BROX: variants seen among roughly 807,000 people sequenced by gnomAD.
The protein encoded by BROX is BRO1 domain and CAAX motif containing.
A neutral mutation model predicts 61.0 loss-of-function variants in BROX; 53 were observed. The ratio of observed to expected loss-of-function variants is 0.87; its 90% confidence interval spans 0.70 to 1.09. The LOEUF (loss-of-function observed/expected upper bound fraction) is 1.09. Among genes scored for constraint, BROX ranks in the 50% least tolerant of loss-of-function variants. The pLI, the probability that BROX is intolerant of heterozygous loss-of-function variation, is 0.00. For synonymous variants in BROX, 152 were observed against 160.2 expected, an observed-to-expected ratio of 0.95 and a Z score of 0.38; for missense variants, 489 against 472.0, an observed-to-expected ratio of 1.04 and a Z score of -0.33.
intron 7 of BROX, 67 bp downstream of exon 7, chr1:222,725,622 A>ATCAGAAGTTGGGCACTGT (rs1304607481): frequency 1.5e-6 from 2 of 1,342,594 alleles, no homozygotes; most frequent in Non-Finnish European, 2.0e-6. Context: ...CTCTTTAAAA[A>ATCAGAAGTTGGGCACTGT]TCAGAAGTTG....
At chr1:222,729,996 T>A in intron 10 of BROX, 31 bp from the exon 11 acceptor site, 1 of 1,579,320 alleles carries the variant, frequency 6.3e-7, no homozygotes, top group Non-Finnish European at 8.6e-7. Flanking sequence ...TTAATTATAA[T>A]CAAAAGACTT....
rs990001574 is a variant in BROX, at chr1:222,712,760, C to T, written c.-199C>T. 25 of 1,289,814 alleles carry T rather than the reference C, an allele frequency of 1.9e-5. 1 individual carries two copies. The East Asian group carries it at 1.4e-3, about 71-fold the overall frequency. The allele number at this position is 1,289,814 out of a possible 1,614,324, so 79.9% of individuals were successfully genotyped here. ...AATACCCGCCCCTGAGCTGCGCGCA[C>T]TACCGCCTCGGTAGCTATCATGGCC... On this transcript the variant is annotated 5_prime_UTR_variant, in exon 1 of 13. Coordinates refer to ENST00000340934, the MANE Select transcript of BROX (RefSeq NM_144695.4).
chr1:222,720,611 A>G (rs1657011126), intron 4 of BROX, among the ~76,000 whole-genome samples: 1 of 152,110 alleles, frequency 6.6e-6, no homozygotes, highest in African/African-American at 2.4e-5. Context: ...CAGGAGTTTG[A>G]GACCAGCCTG....
chr1:222,730,831 A>G (rs1657879714), intron 11 of BROX, among the ~76,000 whole-genome samples: 1 of 151,188 alleles, frequency 6.6e-6, no homozygotes, highest in South Asian at 2.1e-4. Context: ...CATCTTCTCA[A>G]CCTCCTTTGC....
At chr1:222,716,168 G>T (rs143409551) in intron 2 of BROX, among the ~76,000 whole-genome samples, 23,830 of 151,828 alleles carry the variant, frequency 0.16, 2,493 homozygotes, top group African/African-American at 0.29. Context: ...GCTTGATCTC[G>T]GCTTACTGCA....
At position 222,732,799 on chromosome 1, in the gene BROX, T is replaced by C. The variant is rs968659907; in HGVS notation, c.*85T>C. 8.1e-6 allele frequency: 9 copies of C among 1,107,034 alleles called. No homozygotes were observed. The highest frequency in any genetic ancestry group is 1.1e-5 in the Non-Finnish European group (8 of 754,510). The allele number at this position is 1,107,034 out of a possible 1,614,324, so 68.6% of individuals were successfully genotyped here. The stretch of plus-strand genomic sequence containing the variant: ...TTCTTATTTCTCAAAATGATTTCTC[T>C]GAAGCTTGTAGAATAACTATTATAT... On this transcript the variant is annotated 3_prime_UTR_variant, in exon 13 of 13. Coordinates refer to ENST00000340934, the MANE Select transcript of BROX (RefSeq NM_144695.4).
chr1:222,713,309 C>T (rs1255969354), intron 1 of BROX: 2 of 985,710 alleles, frequency 2.0e-6, no homozygotes, highest in Non-Finnish European at 2.4e-6. Context: ...CAAGTGTTGG[C>T]GCGTGCGCAC....
At chr1:222,722,867 G>A (rs74367745) in intron 5 of BROX, among the ~76,000 whole-genome samples, 12 of 152,132 alleles carry the variant, frequency 7.9e-5, no homozygotes, top group Non-Finnish European at 1.3e-4. Context: ...TTTTTATAAC[G>A]TATACTCTTA....
chr1:222,713,355 G>A, intron 1 of BROX: 11 of 985,698 alleles, frequency 1.1e-5, no homozygotes, highest in South Asian at 4.7e-5. Flanking sequence ...GACTGGGCAC[G>A]GGAGGAAGAG....
chr1:222,714,128 C>A (rs1310028238), intron 1 of BROX: 1 of 152,032 alleles, frequency 6.6e-6, no homozygotes, highest in Non-Finnish European at 1.5e-5. Context: ...AATCTAATTG[C>A]CATGTTTAGG....
chr1:222,724,241 G>T, intron 6 of BROX, 77 bp downstream of exon 6: 1 of 1,192,166 alleles, frequency 8.4e-7, no homozygotes, highest in East Asian at 2.5e-5. Flanking sequence ...GGGAGGATAT[G>T]GGGAAAGAAT....
intron 5 of BROX, among the ~76,000 whole-genome samples, chr1:222,723,054 A>G (rs1029734680): frequency 1.3e-5 from 2 of 152,224 alleles, no homozygotes; most frequent in African/African-American, 4.8e-5. Context: ...GCAATAGGAA[A>G]CTGTCAATTT....
chr1:222,722,277 A>G (rs535326732), intron 4 of BROX, 142 bp from the exon 5 acceptor site: 3 of 692,568 alleles, frequency 4.3e-6, no homozygotes, highest in African/African-American at 3.6e-5. Flanking sequence ...TTATCTCCCC[A>G]TCTATATTAA....
intron 11 of BROX, among the ~76,000 whole-genome samples, chr1:222,730,412 A>G (rs914453826): frequency 5.9e-5 from 9 of 152,112 alleles, no homozygotes; most frequent in African/African-American, 1.7e-4. Flanking sequence ...CCTGGGCAAC[A>G]TGGCAAAAAC....
rs1658130027 is a variant in BROX at position 222,733,975 on chromosome 1, T to G, written c.*1261T>G. 1 of 152,232 alleles carries G rather than the reference T, an allele frequency of 6.6e-6. No individual in the cohort carries two copies. Among genetic ancestry groups the G allele is most frequent in the Non-Finnish European group, 1.5e-5 (1 of 68,026 alleles). 9.4% of individuals were successfully genotyped at this position (152,232 alleles called of 1,614,324 possible). A position where few individuals can be genotyped will look rare whatever the true frequency, so the allele number is the denominator to read the frequency against. ...GTTACCTGATTTCAGTGTACATTGT[T>G]TTTATGTGGTTTTCTGATAATGTCC... On this transcript the variant is annotated 3_prime_UTR_variant, in exon 13 of 13. Coordinates refer to ENST00000340934, the MANE Select transcript of BROX (RefSeq NM_144695.4).
Position 222,730,108 on chromosome 1 carries a change from T to G in BROX, c.920T>G (p.Leu307Arg). ...CCAACAGTCAAACCTTCAGGACATC[T>G]GTTCTTTAGGAAACTTGGAAACCTT... ...PGPTVKPSGH[L>R]FFRKLGNLVK... is the part of the protein sequence containing the mutation. Residue 307 changes from leucine (L) to arginine (R), a missense_variant, in exon 11 of 13, where the codon CTG (leucine) becomes CGG (arginine). Transcript: ENST00000340934. 6.2e-7 allele frequency: 1 copy of G among 1,613,336 alleles called. No homozygotes were observed.
intron 9 of BROX, 127 bp downstream of exon 9, chr1:222,728,955 A>G: frequency 1.7e-6 from 1 of 591,578 alleles, no homozygotes; most frequent in Non-Finnish European, 2.8e-6. Context: ...ACTCTCAGTA[A>G]ATGTTCACTG....
Position 222,724,083 on chromosome 1 carries a change from A to G in BROX, c.402-9A>G, listed in dbSNP as rs1328277044. On this transcript the variant is annotated splice_polypyrimidine_tract_variant and intron_variant, in intron 5 of 12. Transcript: ENST00000340934. ...TCATCCTCTAACTAATGTAACCCCT[A>G]TCTTTAAGTATAACAGAAGATGAAG... 5.6e-6 allele frequency: 9 copies of G among 1,595,640 alleles called. No individual in the cohort carries two copies. The highest frequency in any genetic ancestry group is 5.2e-5 in the Admixed American group (3 of 57,344).
chr1:222,730,947 C>G (rs971086522), intron 11 of BROX, among the ~76,000 whole-genome samples: 2 of 152,146 alleles, frequency 1.3e-5, no homozygotes, highest in Non-Finnish European at 2.9e-5. Flanking sequence ...TAAATCACTG[C>G]TGTTCAAATT....
Sources: allele counts gnomAD v4.1 joint callset (sites outside exome capture counted in the v4.1 genomes callset), GRCh38; gene constraint gnomAD v4.1.1; transcripts MANE v1.5; gene names NCBI Gene and HGNC (gene_info 2026-07-23, HGNC 2026-07-21).